The following KHDRBS2 variants were observed in gnomAD, a reference collection of about 807,000 sequenced individuals.
The protein encoded by KHDRBS2 is KH RNA binding domain containing, signal transduction associated 2.
In KHDRBS2, 26 loss-of-function variants were observed where a neutral mutation model predicts 44.3. The observed-to-expected ratio is 0.59, with a 90% CI of 0.43 to 0.81. The LOEUF (loss-of-function observed/expected upper bound fraction) is 0.81, where lower values mean the gene tolerates loss of function less well. KHDRBS2 is among the 40% of genes least tolerant of loss of function. The pLI is 0.00. For synonymous variants in KHDRBS2, 194 were observed against 151.1 expected (o/e 1.28, Z -2.08); for missense variants, 476 against 433.1 (o/e 1.10, Z -0.88).
At chr6:62,116,492 A>T (rs1806258259) in intron 2 of KHDRBS2, among the ~76,000 whole-genome samples, 1 of 152,152 alleles carries the variant, frequency 6.6e-6, no homozygotes, top group Non-Finnish European at 1.5e-5. Flanking sequence ...GATACATAAC[A>T]ATTGTACATA....
the KHDRBS2 span, among the ~76,000 whole-genome samples, chr6:61,587,590 G>A: frequency 6.6e-6 from 1 of 152,176 alleles, no homozygotes; most frequent in South Asian, 2.1e-4. Flanking sequence ...TCCTCCGTGT[G>A]GAGTCAGTCT....
At chr6:62,109,136 G>T (rs1276949928) in intron 2 of KHDRBS2, among the ~76,000 whole-genome samples, 2 of 150,914 alleles carry the variant, frequency 1.3e-5, no homozygotes, top group South Asian at 2.1e-4. Flanking sequence ...GTATAAAAAG[G>T]TTGAACAAGG....
intron 6 of KHDRBS2, among the ~76,000 whole-genome samples, chr6:61,858,495 G>A (rs1203762619): frequency 2.0e-5 from 3 of 151,732 alleles, no homozygotes; most frequent in African/African-American, 7.3e-5. Context: ...TTTGACCCTT[G>A]TAAAGATGTA....
intron 6 of KHDRBS2, among the ~76,000 whole-genome samples, chr6:61,864,254 G>A (rs1267323375): frequency 6.6e-6 from 1 of 152,054 alleles, no homozygotes; most frequent in African/African-American, 2.4e-5. Flanking sequence ...TCTTTTAATT[G>A]GGGCACTTAG....
chr6:61,994,885 G>A (rs890598701), intron 3 of KHDRBS2, among the ~76,000 whole-genome samples: 9 of 152,056 alleles, frequency 5.9e-5, no homozygotes, highest in African/African-American at 2.2e-4. Context: ...GGGGCAAGTG[G>A]GTGAAGCAGT....
At chr6:61,638,334 G>T in the KHDRBS2 span, among the ~76,000 whole-genome samples, 14 of 151,974 alleles carry the variant, frequency 9.2e-5, no homozygotes, top group Non-Finnish European at 1.9e-4. Flanking sequence ...ACAGAACAGA[G>T]CCCTCAGAAA....
At chr6:62,225,836 CT>C (rs1831700644) in intron 1 of KHDRBS2, among the ~76,000 whole-genome samples, 2 of 152,060 alleles carry the variant, frequency 1.3e-5, no homozygotes, top group South Asian at 2.1e-4. Context: ...TGGCTTCCTG[CT>C]TCATACATGT....
chr6:62,194,462 T>A (rs1825234443), intron 1 of KHDRBS2, among the ~76,000 whole-genome samples: 2 of 138,582 alleles, frequency 1.4e-5, no homozygotes, highest in Admixed American at 6.9e-5. Context: ...CTACACTTTC[T>A]TTTCTTTTCT....
intron 3 of KHDRBS2, among the ~76,000 whole-genome samples, chr6:61,991,132 C>T (rs1776066698): frequency 1.3e-5 from 2 of 152,044 alleles, no homozygotes; most frequent in Admixed American, 1.3e-4. Flanking sequence ...TGATATTCTT[C>T]CAGGAAATAC....
chr6:62,086,084 T>A (rs532077333), intron 2 of KHDRBS2, among the ~76,000 whole-genome samples: 2 of 152,234 alleles, frequency 1.3e-5, no homozygotes, highest in Admixed American at 1.3e-4. Flanking sequence ...CAACTGGATG[T>A]TTGAAAGAGT....
chr6:61,813,990 G>T, intron 6 of KHDRBS2: 1 of 454,168 alleles, frequency 2.2e-6, no homozygotes, highest in Non-Finnish European at 4.4e-6. Context: ...AGTAAAAAAA[G>T]CTTCGTCCTG....
intron 4 of KHDRBS2, among the ~76,000 whole-genome samples, chr6:61,950,924 G>T (rs2127383404): frequency 6.6e-6 from 1 of 152,106 alleles, no homozygotes; most frequent in Middle Eastern, 3.4e-3. Flanking sequence ...GTACAAATTT[G>T]GGATGATGGA....
intron 2 of KHDRBS2, among the ~76,000 whole-genome samples, chr6:62,079,739 C>T (rs1218113824): frequency 1.3e-5 from 2 of 151,902 alleles, no homozygotes; most frequent in Non-Finnish European, 2.9e-5. Context: ...AATTGTATTC[C>T]TAATGCCTCT....
At chr6:62,002,229 T>C (rs900513948) in intron 3 of KHDRBS2, among the ~76,000 whole-genome samples, 2 of 151,984 alleles carry the variant, frequency 1.3e-5, no homozygotes, top group Admixed American at 1.3e-4. Context: ...TATTCCTGGG[T>C]TTCTAAAATT....
intron 4 of KHDRBS2, among the ~76,000 whole-genome samples, chr6:61,970,882 G>A (rs1250444666): frequency 1.3e-5 from 2 of 152,056 alleles, no homozygotes; most frequent in Non-Finnish European, 2.9e-5. Flanking sequence ...TACTCCCCAA[G>A]CTGTAATTTG....
At chr6:62,136,000 T>C (rs977804699) in intron 2 of KHDRBS2, among the ~76,000 whole-genome samples, 1 of 151,816 alleles carries the variant, frequency 6.6e-6, no homozygotes, top group African/African-American at 2.4e-5. Flanking sequence ...GGACTATAGT[T>C]AATATTTTAT....
At chr6:62,146,233 A>AAAAAC (rs143132733) in intron 2 of KHDRBS2, among the ~76,000 whole-genome samples, 1,531 of 151,918 alleles carry the variant, frequency 0.01, 30 homozygotes, top group African/African-American at 0.034. Flanking sequence ...AATACCTCCT[A>AAAAAC]AAAACAAAAC....
intron 8 of KHDRBS2, among the ~76,000 whole-genome samples, chr6:61,693,685 A>T (rs1311772052): frequency 6.6e-6 from 1 of 152,138 alleles, no homozygotes; most frequent in Non-Finnish European, 1.5e-5. Context: ...ATGTGCAGAA[A>T]ATTTCTTGTT....
At chr6:62,141,703 T>G (rs1812847904) in intron 2 of KHDRBS2, among the ~76,000 whole-genome samples, 1 of 152,102 alleles carries the variant, frequency 6.6e-6, no homozygotes, top group Admixed American at 6.6e-5. Context: ...ACATTTCTTC[T>G]TTTTCTGAGC....
Sources: gnomAD v4.1 joint callset for allele counts (sites outside exome capture counted in the v4.1 genomes callset) on GRCh38, gnomAD v4.1.1 for gene constraint, MANE v1.5 for transcripts, NCBI Gene and HGNC (gene_info 2026-07-23, HGNC 2026-07-21) for gene names.